Variants in AGL observed in about 807,000 individuals in gnomAD.
AGL encodes the protein amylo-alpha-1,6-glucosidase and 4-alpha-glucanotransferase.
In AGL, 128 loss-of-function variants were observed where a neutral mutation model predicts 199.3. The observed-to-expected ratio is 0.64, with a 90% CI of 0.56 to 0.74. The LOEUF is 0.74. AGL is among the 30% of genes least tolerant of loss of function. The probability of loss-of-function intolerance (pLI) is 0.00; values close to 1 mark genes in which losing one functional copy is unlikely to be tolerated. For synonymous variants in AGL, 584 were observed against 594.7 expected (o/e 0.98, Z 0.26); for missense variants, 1,809 against 1,820.8 (o/e 0.99, Z 0.12).
chr1:99,907,686 G>GT (rs1238445536), intron 27 of AGL, among the ~76,000 whole-genome samples: 1 of 59,846 alleles, frequency 1.7e-5, no homozygotes, highest in Non-Finnish European at 3.9e-5. Context: ...GTTTGTTTTT[G>GT]TTTTTTGTTT....
intron 7 of AGL, 56 bp from the exon 8 acceptor site, chr1:99,874,631 G>C (rs891496866): frequency 6.5e-7 from 1 of 1,528,994 alleles, no homozygotes; most frequent in Non-Finnish European, 9.0e-7. Context: ...AATAGTGACA[G>C]TTATAATCTC....
chr1:99,910,852 T>C lies in AGL; in HGVS notation c.3836+5T>C. 6.2e-7 allele frequency: 1 copy of C among 1,611,736 alleles called. No individual in the cohort carries two copies. The highest frequency in any genetic ancestry group is 8.5e-7 in the Non-Finnish European group (1 of 1,178,442). On this transcript the variant is annotated splice_donor_5th_base_variant and intron_variant, in intron 28 of 33. Coordinates refer to ENST00000361915, the MANE Select transcript of AGL (RefSeq NM_000642.3). ...AGGAATCCCAGCCACACCAAGGTAG[T>C]GTAAATGTTATAATGCTGTGTAATT... is the stretch of plus-strand genomic sequence containing the variant.
Position 99,902,555 on chromosome 1 carries a change from C to A in AGL, c.3589-128C>A, listed in dbSNP as rs537921169. ...ATAGGAGCTGCTTCTTCCCTGGCCTCACCCCAATTCCTATTTCTCACTTCA... is the reference window on the plus strand; with the variant it reads ...ATAGGAGCTGCTTCTTCCCTGGCCTAACCCCAATTCCTATTTCTCACTTCA... On this transcript the variant is annotated intron_variant, in intron 26 of 33. Coordinates refer to ENST00000361915, the MANE Select transcript of AGL (RefSeq NM_000642.3). 5 of 743,542 alleles carry A rather than the reference C, an allele frequency of 6.7e-6. No homozygotes were observed. In the South Asian group the frequency reaches 7.2e-5, roughly 11 times the overall value. The allele number at this position is 743,542 out of a possible 1,614,324, so 46.1% of individuals were successfully genotyped here. A position where few individuals can be genotyped will look rare whatever the true frequency, so the allele number is the denominator to read the frequency against.
chr1:99,855,221 AAG>A (rs962361840), intron 2 of AGL, among the ~76,000 whole-genome samples: 2 of 152,094 alleles, frequency 1.3e-5, no homozygotes, highest in African/African-American at 4.8e-5. Context: ...AAAAAAGAAA[AAG>A]AGAGGACAAA....
At chr1:99,903,765 G>A (rs567076500) in intron 27 of AGL, among the ~76,000 whole-genome samples, 1 of 152,264 alleles carries the variant, frequency 6.6e-6, no homozygotes, top group Non-Finnish European at 1.5e-5. Context: ...GTGTAAAAGT[G>A]TTCCTATTTC....
At chr1:99,870,220 T>C (rs1335978104) in intron 5 of AGL, among the ~76,000 whole-genome samples, 180 bp from the exon 6 acceptor site, 1 of 152,026 alleles carries the variant, frequency 6.6e-6, no homozygotes, top group East Asian at 1.9e-4. Flanking sequence ...CTGAAGCGAA[T>C]GATAGGATAC....
intron 27 of AGL, among the ~76,000 whole-genome samples, chr1:99,909,916 A>G (rs1654612468): frequency 6.6e-6 from 1 of 152,192 alleles, no homozygotes; most frequent in Non-Finnish European, 1.5e-5. Flanking sequence ...TATATATTAC[A>G]TAGCATATAT....
At chr1:99,861,408 A>G in intron 2 of AGL, 95 bp from the exon 3 acceptor site, 4 of 1,574,220 alleles carry the variant, frequency 2.5e-6, no homozygotes, top group Middle Eastern at 3.9e-4. Context: ...TAATTGAAAA[A>G]TCAAGGTTTT....
At chr1:99,876,694 A>T (rs1651566930) in intron 11 of AGL, 97 bp downstream of exon 11, 1 of 1,402,986 alleles carries the variant, frequency 7.1e-7, no homozygotes, top group African/African-American at 1.4e-5. Context: ...CCATTAGTCT[A>T]TTGGTTTTTA....
rs565746838 is a variant in AGL at position 99,857,317 on chromosome 1, C to T, written c.83-4186C>T. On this transcript the variant is annotated intron_variant, in intron 2 of 33. Coordinates refer to ENST00000361915, the MANE Select transcript of AGL (RefSeq NM_000642.3). ...ATGGCGGCCGGGAAGAGGTGCTCCT[C>T]ACTTCCCAGACTGGGCAGCCGGGCA... 2.0e-5 allele frequency among the ~76,000 whole-genome samples: 3 copies of T among 152,052 alleles called. No homozygotes were observed. The South Asian group carries it at 6.2e-4, about 32-fold the overall frequency.
intron 5 of AGL, among the ~76,000 whole-genome samples, chr1:99,866,510 T>G (rs1650522896): frequency 1.3e-5 from 2 of 152,220 alleles, no homozygotes; most frequent in African/African-American, 4.8e-5. Flanking sequence ...ATGATATATA[T>G]TACTGTGTTC....
At chr1:99,877,037 TTA>T (rs1482980596) in intron 11 of AGL, among the ~76,000 whole-genome samples, 2 of 152,196 alleles carry the variant, frequency 1.3e-5, no homozygotes, top group African/African-American at 4.8e-5. Context: ...CCCCTCACTC[TTA>T]GTGTCTTGTG....
chr1:99,898,880 C>G (rs1653558729), intron 25 of AGL, among the ~76,000 whole-genome samples: 1 of 152,180 alleles, frequency 6.6e-6, no homozygotes, highest in African/African-American at 2.4e-5. Flanking sequence ...TCTACTTCCT[C>G]CCTCTATAGA....
intron 24 of AGL, among the ~76,000 whole-genome samples, chr1:99,893,038 A>G (rs983033110): frequency 1.3e-5 from 2 of 152,224 alleles, no homozygotes; most frequent in African/African-American, 2.4e-5. Context: ...TTGGAATCAA[A>G]TGCTTTCAAC....
At chr1:99,898,810 G>A (rs928150911) in intron 25 of AGL, among the ~76,000 whole-genome samples, 1 of 152,142 alleles carries the variant, frequency 6.6e-6, no homozygotes, top group African/African-American at 2.4e-5. Context: ...CCAACTGTAA[G>A]ATTGGTTGTG....
At position 99,881,283 on chromosome 1, in the gene AGL, T is replaced by C. The variant is rs1322843962; in HGVS notation, c.2002-9T>C. On this transcript the variant is annotated splice_polypyrimidine_tract_variant and intron_variant, in intron 15 of 33. Transcript: ENST00000361915. ...AGATGTATCCATGCTAAATTTTACCTTTGTCCAGATTTCAGTGGTTTCTGA... is the reference window on the plus strand; with the variant it reads ...AGATGTATCCATGCTAAATTTTACCCTTGTCCAGATTTCAGTGGTTTCTGA... The C allele has an allele frequency of 6.2e-7, 1 of 1,613,956 alleles. No homozygotes were observed. The highest frequency in any genetic ancestry group is 1.3e-5 in the African/African-American group (1 of 74,920).
intron 2 of AGL, among the ~76,000 whole-genome samples, chr1:99,854,214 A>G (rs1649218198): frequency 6.6e-6 from 1 of 152,120 alleles, no homozygotes. Flanking sequence ...TAAAAAATAA[A>G]ATAAAATCTG....
At chr1:99,907,693 G>GTTTTTTGTTTTTTTTTTTTTTT (rs1553191713) in intron 27 of AGL, among the ~76,000 whole-genome samples, 3 of 118,942 alleles carry the variant, frequency 2.5e-5, no homozygotes, top group Non-Finnish European at 5.4e-5. Flanking sequence ...TTTGTTTTTT[G>GTTTTTTGTTTTTTTTTTTTTTT]TTTTTTTTGC....
At position 99,897,431 on chromosome 1, in the gene AGL, A is replaced by G. The variant is rs553982961; in HGVS notation, c.3362+1043A>G. On this transcript the variant is annotated intron_variant, in intron 25 of 33. Coordinates refer to ENST00000361915, the MANE Select transcript of AGL (RefSeq NM_000642.3). ...AAACTTTCAGCAAAAGGGCATTTATACGATACCTTGTTTTGATGCCATCAG... is the reference window on the plus strand; with the variant it reads ...AAACTTTCAGCAAAAGGGCATTTATGCGATACCTTGTTTTGATGCCATCAG... Among the ~76,000 whole-genome samples the G allele has an allele frequency of 1.2e-4, 19 of 152,360 alleles. No homozygotes were observed. The South Asian group carries it at 3.9e-3, about 32-fold the overall frequency.
Sources: gnomAD v4.1 joint callset for allele counts (sites outside exome capture counted in the v4.1 genomes callset) on GRCh38, gnomAD v4.1.1 for gene constraint, MANE v1.5 for transcripts, NCBI Gene and HGNC (gene_info 2026-07-23, HGNC 2026-07-21) for gene names.